Variants in CEP95 observed in about 807,000 individuals in gnomAD.
The protein encoded by CEP95 is centrosomal protein of 95 kDa.
A neutral mutation model predicts 111.2 loss-of-function variants in CEP95; 98 were observed. The ratio of observed to expected loss-of-function variants is 0.88; its 90% CI spans 0.75 to 1.04. The LOEUF (loss-of-function observed/expected upper bound fraction) is 1.04. CEP95 is among the 50% of genes least tolerant of loss of function. The pLI is 0.00. For synonymous variants in CEP95, 323 were observed against 327.1 expected, an observed-to-expected ratio of 0.99 and a Z score of 0.14; for missense variants, 1,027 against 977.2, an observed-to-expected ratio of 1.05 and a Z score of -0.68.
At chr17:64,528,442 A>T (rs557265892) in intron 11 of CEP95, among the ~76,000 whole-genome samples, 1 of 152,176 alleles carries the variant, frequency 6.6e-6, no homozygotes, top group Admixed American at 6.5e-5. Flanking sequence ...TACACATGGT[A>T]TCCTATTGTG....
chr17:64,520,289 A>G (rs1568135306), intron 6 of CEP95, among the ~76,000 whole-genome samples: 1 of 152,202 alleles, frequency 6.6e-6, no homozygotes, highest in African/African-American at 2.4e-5. Flanking sequence ...GAGTAATGCA[A>G]TTAAGGCAAA....
intron 8 of CEP95, among the ~76,000 whole-genome samples, chr17:64,524,822 T>C (rs1967665276): frequency 6.8e-6 from 1 of 146,390 alleles, no homozygotes; most frequent in South Asian, 2.2e-4. Context: ...AATACAAAAA[T>C]TAGCCAGGCG....
chr17:64,527,179 TGAG>T lies in CEP95; in HGVS notation c.1226_1228del (p.Glu409del), dbSNP rs782792586. 1.2e-6 allele frequency: 2 copies of T among 1,613,400 alleles called. No individual in the cohort carries two copies. Among genetic ancestry groups the T allele is most frequent in the Non-Finnish European group, 1.7e-6 (2 of 1,179,568 alleles). On this transcript the variant is annotated inframe_deletion, in exon 11 of 20. Transcript: ENST00000556440. ...ACCATAAAGAAGAAAATACTGGAAATGAGGAGGTAGAGGATGGAACTGAGGAGA... is the reference window on the plus strand; with the variant it reads ...ACCATAAAGAAGAAAATACTGGAAATGAGGTAGAGGATGGAACTGAGGAGA...
chr17:64,524,917 C>T (rs564002183), intron 8 of CEP95, among the ~76,000 whole-genome samples: 11 of 151,920 alleles, frequency 7.2e-5, no homozygotes, highest in African/African-American at 2.4e-4. Flanking sequence ...GTTGCAGTGA[C>T]CCAAGACTGC....
At chr17:64,519,264 C>T in intron 5 of CEP95, 57 bp from the exon 6 acceptor site, 3 of 1,175,230 alleles carry the variant, frequency 2.6e-6, no homozygotes. Flanking sequence ...TCCAGGTCCT[C>T]AGGGGAAGGG....
At chr17:64,520,194 A>C (rs143612844) in intron 6 of CEP95, among the ~76,000 whole-genome samples, 2 of 152,342 alleles carry the variant, frequency 1.3e-5, no homozygotes, top group African/African-American at 4.8e-5. Context: ...GGGTTCTGTG[A>C]TGTCAAGTGC....
At position 64,537,903 on chromosome 17, in the gene CEP95, C is replaced by T. The variant is rs981360424; in HGVS notation, c.*124C>T. The T allele has an allele frequency of 1.3e-4, 65 of 482,932 alleles. No individual in the cohort carries two copies. The highest frequency in any genetic ancestry group is 2.1e-4 in the Non-Finnish European group (62 of 297,548). The allele number at this position is 482,932 out of a possible 1,614,324, so 29.9% of individuals were successfully genotyped here. On this transcript the variant is annotated 3_prime_UTR_variant, in exon 20 of 20. Coordinates refer to ENST00000556440, the MANE Select transcript of CEP95 (RefSeq NM_138363.3). ...CAAATGCTTTACCTGTATTTTCATT[C>T]CAGTACTTTTTATGATTTTTTAAAT... is the stretch of plus-strand genomic sequence containing the variant.
At chr17:64,527,011 A>G in intron 10 of CEP95, 100 bp from the exon 11 acceptor site, 2 of 828,456 alleles carry the variant, frequency 2.4e-6, no homozygotes, top group Non-Finnish European at 3.9e-6. Flanking sequence ...ACTTGTTATT[A>G]GTGACTGTCA....
At chr17:64,508,423 A>G in intron 1 of CEP95, 169 bp from the exon 2 acceptor site, 1 of 984,760 alleles carries the variant, frequency 1.0e-6, no homozygotes, top group South Asian at 4.7e-5. Flanking sequence ...CATCTTTTTA[A>G]AAACCATGCC....
chr17:64,537,548 A>G (rs782356810), intron 19 of CEP95, 55 bp from the exon 20 acceptor site: 12 of 1,499,564 alleles, frequency 8.0e-6, no homozygotes, highest in Non-Finnish European at 1.1e-5. Flanking sequence ...GGAACAATAG[A>G]TGAGGGCCTG....
At chr17:64,526,797 C>T (rs992792176) in intron 10 of CEP95, among the ~76,000 whole-genome samples, 15 of 152,114 alleles carry the variant, frequency 9.9e-5, no homozygotes, top group African/African-American at 3.6e-4. Flanking sequence ...CCCATCTCTA[C>T]AAAAAATAAA....
At position 64,537,843 on chromosome 17, in the gene CEP95, A is replaced by T. The variant is rs1297972406; in HGVS notation, c.*64A>T. On this transcript the variant is annotated 3_prime_UTR_variant, in exon 20 of 20. Transcript: ENST00000556440. ...CTTTACCAGGACAGAGCTAGAATCG[A>T]GCCAGTAAACAGTCTAAGCCAGAAA... 4 of 1,031,266 alleles carry T rather than the reference A, an allele frequency of 3.9e-6. No homozygotes were observed. The highest frequency in any genetic ancestry group is 5.3e-6 in the Non-Finnish European group (4 of 750,548). 63.9% of individuals were successfully genotyped at this position (1,031,266 alleles called of 1,614,324 possible). A position where few individuals can be genotyped will look rare whatever the true frequency, so the allele number is the denominator to read the frequency against.
intron 16 of CEP95, 73 bp from the exon 17 acceptor site, chr17:64,534,512 G>A: frequency 7.4e-7 from 1 of 1,357,738 alleles, no homozygotes; most frequent in South Asian, 1.3e-5. Flanking sequence ...TGGGGAGTGA[G>A]GCAGATGAGA....
At chr17:64,521,056 A>G (rs1190818944) in intron 6 of CEP95, among the ~76,000 whole-genome samples, 3 of 152,124 alleles carry the variant, frequency 2.0e-5, no homozygotes, top group Non-Finnish European at 2.9e-5. Context: ...CAGCCTGGCC[A>G]ACATAGTGAA....
At chr17:64,521,784 C>CT (rs1967359548) in intron 7 of CEP95, among the ~76,000 whole-genome samples, 1 of 151,852 alleles carries the variant, frequency 6.6e-6, no homozygotes, top group African/African-American at 2.4e-5. Flanking sequence ...GACAGAGTCT[C>CT]TGACACATTA....
At position 64,532,898 on chromosome 17, in the gene CEP95, G is replaced by A; in HGVS notation, c.1732G>A (p.Val578Ile). 2 of 1,613,868 alleles carry A rather than the reference G, an allele frequency of 1.2e-6. No homozygotes were observed. Among genetic ancestry groups the A allele is most frequent in the Non-Finnish European group, 1.7e-6 (2 of 1,179,838 alleles). The change falls in exon 15 of 20, where the codon GTT (valine) becomes ATT (isoleucine). Residue 578 changes from valine to isoleucine, a missense_variant. Val to Ile is a conservative substitution (Grantham distance 29, BLOSUM62 3). Coordinates refer to ENST00000556440, the MANE Select transcript of CEP95 (RefSeq NM_138363.3). ...LMLEQFPFLY[V>I]SGPTLSKMWK... ...GCTGGAGCAGTTTCCGTTTCTTTAT[G>A]TTTCTGGCCCAACACTAAGCAAAAT...
chr17:64,514,456 T>G (rs1392204442), intron 4 of CEP95, 98 bp downstream of exon 4: 1 of 664,554 alleles, frequency 1.5e-6, no homozygotes, highest in African/African-American at 1.8e-5. Context: ...GGAAGCAGAT[T>G]CACTAATACA....
intron 2 of CEP95, 65 bp from the exon 3 acceptor site, chr17:64,510,108 G>A (rs2144334156): frequency 3.6e-6 from 3 of 842,064 alleles, no homozygotes; most frequent in Non-Finnish European, 6.0e-6. Context: ...AGCCTAGTCA[G>A]AGACAATGAG....
At chr17:64,506,843 G>C (rs1243695622), upstream of CEP95, 2 of 604,974 alleles carry the variant, frequency 3.3e-6, no homozygotes, top group South Asian at 1.9e-5. Flanking sequence ...TCCTTTGACG[G>C]GTTTTGGTCG....
Sources: allele counts gnomAD v4.1 joint callset (sites outside exome capture counted in the v4.1 genomes callset), GRCh38; gene constraint gnomAD v4.1.1; transcripts MANE v1.5; gene names NCBI Gene and HGNC (gene_info 2026-07-23, HGNC 2026-07-21).